Variants in ROBO2 observed in about 807,000 individuals in gnomAD.
ROBO2 encodes roundabout guidance receptor 2.
In ROBO2, 53 loss-of-function variants were observed where a neutral mutation model predicts 160.8. The ratio of observed to expected loss-of-function variants is 0.33; its 90% CI spans 0.26 to 0.41. The LOEUF (loss-of-function observed/expected upper bound fraction) is 0.41. Among genes scored for constraint, ROBO2 ranks in the 10% least tolerant of loss-of-function variants. ROBO2 has a pLI of 1.00. For missense variants in ROBO2, 1,577 were observed against 1,722.4 expected, an observed-to-expected ratio of 0.92 and a Z score of 1.49; for synonymous variants, 664 against 611.7, an observed-to-expected ratio of 1.09 and a Z score of -1.26.
chr3:77,517,007 G>A (rs935613638), intron 5 of ROBO2, among the ~76,000 whole-genome samples: 5 of 151,472 alleles, frequency 3.3e-5, no homozygotes, highest in African/African-American at 1.2e-4. Context: ...TAAAGCAAGA[G>A]AGAACCAGTC....
chr3:77,410,750 C>CTCCTCTTCCTCCTCCTCCTCT (rs1393569134), intron 2 of ROBO2, among the ~76,000 whole-genome samples: 21 of 147,308 alleles, frequency 1.4e-4, no homozygotes, highest in Non-Finnish European at 2.9e-4. Context: ...CCTTTTCCTC[C>CTCCTCTTCCTCCTCCTCCTCT]TCCTCTTCCT....
chr3:76,263,789 A>G (rs1418969085), intron 2 of ROBO2, among the ~76,000 whole-genome samples: 19 of 152,122 alleles, frequency 1.2e-4, no homozygotes, highest in Admixed American at 1.0e-3. Context: ...TTGCAGCACT[A>G]TTTACAACAG....
At chr3:76,884,110 A>G (rs929279716) in intron 2 of ROBO2, among the ~76,000 whole-genome samples, 1 of 152,210 alleles carries the variant, frequency 6.6e-6, no homozygotes, top group African/African-American at 2.4e-5. Flanking sequence ...GCACATCTTC[A>G]TATGCTTTTT....
At chr3:75,943,302 A>C (rs2107101362) in intron 2 of ROBO2, among the ~76,000 whole-genome samples, 1 of 152,286 alleles carries the variant, frequency 6.6e-6, no homozygotes, top group Admixed American at 6.5e-5. Context: ...TGTTTAACTT[A>C]ATTTGTTCTT....
At chr3:77,425,298 G>A (rs1376533257) in intron 2 of ROBO2, among the ~76,000 whole-genome samples, 1 of 152,154 alleles carries the variant, frequency 6.6e-6, no homozygotes, top group African/African-American at 2.4e-5. Context: ...ATTGCAAATT[G>A]CTGGAAGTAT....
At chr3:76,020,863 A>G (rs922151431) in intron 2 of ROBO2, among the ~76,000 whole-genome samples, 22 of 151,942 alleles carry the variant, frequency 1.4e-4, no homozygotes, top group East Asian at 9.7e-4. Flanking sequence ...AGGGAGTTTT[A>G]GTTTTTCTTT....
chr3:76,567,763 C>CTGTGTGTGTGTGTGTGTG (rs71101900), intron 2 of ROBO2, among the ~76,000 whole-genome samples: 1 of 88,358 alleles, frequency 1.1e-5, no homozygotes, highest in African/African-American at 4.4e-5. Context: ...ATATATCTGT[C>CTGTGTGTGTGTGTGTGTG]TGTGTGTGTG....
At chr3:77,025,006 G>C (rs1043629852) in intron 2 of ROBO2, among the ~76,000 whole-genome samples, 1 of 150,982 alleles carries the variant, frequency 6.6e-6, no homozygotes, top group Non-Finnish European at 1.5e-5. Flanking sequence ...AGGACAGAAG[G>C]TCTGTTCTTT....
chr3:77,349,494 C>T (rs574984009), intron 2 of ROBO2, among the ~76,000 whole-genome samples: 4 of 152,224 alleles, frequency 2.6e-5, no homozygotes, highest in South Asian at 4.1e-4. Context: ...ACTATGAAAT[C>T]GACGTGTAAT....
intron 2 of ROBO2, among the ~76,000 whole-genome samples, chr3:77,138,681 C>CT (rs2076469298): frequency 7.7e-6 from 1 of 130,488 alleles, no homozygotes; most frequent in Non-Finnish European, 1.8e-5. Flanking sequence ...TTTAATGTTC[C>CT]GTTTTAGTTC....
intron 2 of ROBO2, among the ~76,000 whole-genome samples, chr3:77,192,500 C>A (rs2081946528): frequency 2.0e-5 from 3 of 152,034 alleles, no homozygotes; most frequent in African/African-American, 7.2e-5. Flanking sequence ...TATCTACCAA[C>A]TAATTTGAAC....
At chr3:75,991,710 G>C (rs1387660064) in intron 2 of ROBO2, among the ~76,000 whole-genome samples, 1 of 152,084 alleles carries the variant, frequency 6.6e-6, no homozygotes, top group Non-Finnish European at 1.5e-5. Context: ...AGCAGAGGTT[G>C]GAACAGTTGG....
intron 2 of ROBO2, among the ~76,000 whole-genome samples, chr3:76,407,623 T>C (rs929233803): frequency 6.6e-6 from 1 of 151,976 alleles, no homozygotes; most frequent in Non-Finnish European, 1.5e-5. Context: ...AAGTGTCTGA[T>C]TGAGGGAAAT....
intron 2 of ROBO2, among the ~76,000 whole-genome samples, chr3:76,644,976 C>T (rs1040106819): frequency 6.6e-6 from 1 of 152,088 alleles, no homozygotes; most frequent in Admixed American, 6.6e-5. Flanking sequence ...AAAGAGGATT[C>T]GTCATATTTT....
At chr3:76,433,857 A>G (rs2076547208) in intron 2 of ROBO2, among the ~76,000 whole-genome samples, 2 of 152,222 alleles carry the variant, frequency 1.3e-5, no homozygotes, top group South Asian at 4.1e-4. Context: ...CTACTTTAGA[A>G]TTCACATCTC....
chr3:77,253,019 G>A (rs537446781), intron 2 of ROBO2, among the ~76,000 whole-genome samples: 260 of 151,544 alleles, frequency 1.7e-3, no homozygotes, highest in Non-Finnish European at 3.0e-3. Flanking sequence ...ACAGGTATTT[G>A]TGGGGCATTT....
Position 76,929,378 on chromosome 3 carries a change from A to G in ROBO2, c.110-168636A>G, listed in dbSNP as rs913325247. On this transcript the variant is annotated intron_variant, in intron 2 of 26. Coordinates refer to the ROBO2 transcript ENST00000487694. ...TGCTCAGGCCAGAAACCTTGGAGAC[A>G]TTTTCTACTCCTCTTTCTCTTATGC... Among the ~76,000 whole-genome samples the G allele has an allele frequency of 2.0e-5, 3 of 152,214 alleles. No homozygotes were observed. The East Asian group carries it at 5.8e-4, about 29-fold the overall frequency.
chr3:77,253,108 C>T (rs1024481717), intron 2 of ROBO2, among the ~76,000 whole-genome samples: 1 of 151,876 alleles, frequency 6.6e-6, no homozygotes, highest in Non-Finnish European at 1.5e-5. Context: ...TCTCAGCTAG[C>T]ATGTCTCGTG....
intron 2 of ROBO2, among the ~76,000 whole-genome samples, chr3:77,369,430 G>A (rs982271506): frequency 6.6e-6 from 1 of 152,190 alleles, no homozygotes; most frequent in Non-Finnish European, 1.5e-5. Context: ...TATGCATGCA[G>A]AAATGAATGA....
Sources: allele counts gnomAD v4.1 joint callset (sites outside exome capture counted in the v4.1 genomes callset), GRCh38; gene constraint gnomAD v4.1.1; transcripts MANE v1.5; gene names NCBI Gene and HGNC (gene_info 2026-07-23, HGNC 2026-07-21).